C12orf43: variants seen among roughly 807,000 people sequenced by gnomAD.
The protein encoded by C12orf43 is chromosome 12 open reading frame 43, also known as protein CUSTOS.
In C12orf43, 15 loss-of-function variants were observed where a neutral mutation model predicts 20.6. The ratio of observed to expected loss-of-function variants is 0.73; its 90% CI spans 0.49 to 1.12. The LOEUF is 1.12. C12orf43 is among the 50% of genes most tolerant of loss of function. C12orf43 has a pLI of 0.00. For missense variants in C12orf43, 334 were observed against 344.4 expected, an observed-to-expected ratio of 0.97 and a Z score of 0.24; for synonymous variants, 144 against 130.8, an observed-to-expected ratio of 1.10 and a Z score of -0.69.
At position 121,012,475 on chromosome 12, in the gene C12orf43, G is replaced by A. The variant is rs1311337278; in HGVS notation, c.146-1329C>T. The stretch of plus-strand genomic sequence containing the variant: ...TTTGGCTGCTGTGCAGCGTGAGACT[G>A]TTGGGGCAAAGGCAGGAACACGGAG... On this transcript the variant is annotated intron_variant, in intron 1 of 5. Transcript: ENST00000288757. 8.5e-6 allele frequency: 6 copies of A among 702,476 alleles called. No individual in the cohort carries two copies. The African/African-American group carries it at 8.7e-5, about 10-fold the overall frequency. 43.5% of individuals were successfully genotyped at this position (702,476 alleles called of 1,614,324 possible).
intron 1 of C12orf43, among the ~76,000 whole-genome samples, chr12:121,014,300 C>T (rs947405976): frequency 4.8e-5 from 7 of 145,644 alleles, no homozygotes; most frequent in Non-Finnish European, 9.1e-5. Flanking sequence ...CCATTGCACT[C>T]CAGCCTTGGT....
Position 121,010,855 on chromosome 12 carries a change from G to A in C12orf43, c.260C>T (p.Ala87Val). 6.2e-7 allele frequency: 1 copy of A among 1,612,974 alleles called. No homozygotes were observed. ...QTTPEFRAHVAKKLGALLDSF... is the reference protein window; with the variant it reads ...QTTPEFRAHVVKKLGALLDSF... ...GTCCAGCAGGGCTCCCAGCTTCTTG[G>A]CTACGTGGGCTCGGAATTCAGGGGT... Residue 87 changes from alanine to valine, a missense_variant, in exon 3 of 6, where the codon GCC (alanine) becomes GTC (valine). By Grantham distance (64) the Ala-to-Val change is moderately conservative. Transcript: ENST00000288757.
In C12orf43 at chr12:121,001,471, TAC is replaced by T. The variant is rs1445247463; in HGVS notation, c.*2680_*2681del. 10 of 495,486 alleles carry T rather than the reference TAC, an allele frequency of 2.0e-5. No homozygotes were observed. The highest frequency in any genetic ancestry group is 6.5e-5 in the Admixed American group (2 of 30,608). The allele number at this position is 495,486 out of a possible 1,614,324, so 30.7% of individuals were successfully genotyped here. On this transcript the variant is annotated 3_prime_UTR_variant, in exon 6 of 6. Coordinates refer to ENST00000288757, the MANE Select transcript of C12orf43 (RefSeq NM_022895.3). Reference sequence around the variant, plus strand: ...GAGGGACTGTCGCTGCTTCGTGGGATACAGTCTTCTTACTTGGAACTGAAGGG... The same window carrying T: ...GAGGGACTGTCGCTGCTTCGTGGGATAGTCTTCTTACTTGGAACTGAAGGG...
chr12:121,001,317 G>A lies in C12orf43; in HGVS notation c.*2836C>T, dbSNP rs544828377. 3.1e-5 allele frequency: 37 copies of A among 1,185,054 alleles called. No individual in the cohort carries two copies. Among genetic ancestry groups the A allele is most frequent in the South Asian group, 2.7e-4 (20 of 73,444 alleles). 73.4% of individuals were successfully genotyped at this position (1,185,054 alleles called of 1,614,324 possible). ...GGCCCTTCCTGGACAGCTGTGCCTC[G>A]CTCCCCACTCTGCTCTGATGCATCA... On this transcript the variant is annotated 3_prime_UTR_variant, in exon 6 of 6. Coordinates refer to ENST00000288757, the MANE Select transcript of C12orf43 (RefSeq NM_022895.3).
At chr12:121,010,751 G>A (rs903244295) in intron 3 of C12orf43, 77 bp downstream of exon 3, 20 of 1,197,686 alleles carry the variant, frequency 1.7e-5, no homozygotes, top group Middle Eastern at 4.6e-4. Context: ...CCTGGACACC[G>A]TGAGCTCCCA....
chr12:121,004,043 C>A lies in C12orf43; in HGVS notation c.*110G>T. The A allele has an allele frequency of 7.9e-7, 1 of 1,270,480 alleles. No individual in the cohort carries two copies. Among genetic ancestry groups the A allele is most frequent in the South Asian group, 1.2e-5 (1 of 83,088 alleles). 78.7% of individuals were successfully genotyped at this position (1,270,480 alleles called of 1,614,324 possible). ...CTCATGGGCAGTCTGGGTTTGCCAGCCCAGTCCTTGAACTTGGAGAGGGAG... is the reference window on the plus strand; with the variant it reads ...CTCATGGGCAGTCTGGGTTTGCCAGACCAGTCCTTGAACTTGGAGAGGGAG... On this transcript the variant is annotated 3_prime_UTR_variant, in exon 6 of 6. Transcript: ENST00000288757. The surrounding 1 kb of genome is among the most constrained non-coding windows in gnomAD (Gnocchi z 5.6).
intron 1 of C12orf43, among the ~76,000 whole-genome samples, chr12:121,012,245 C>T (rs931168022): frequency 6.6e-6 from 1 of 152,194 alleles, no homozygotes; most frequent in Non-Finnish European, 1.5e-5. Context: ...CTGGAGCCTG[C>T]TTTGTGTGTT....
rs1456573090 is a variant in C12orf43 at position 121,002,051 on chromosome 12, T to G, written c.*2102A>C. 1.9e-6 allele frequency: 1 copy of G among 536,706 alleles called. No homozygotes were observed. The highest frequency in any genetic ancestry group is 3.6e-6 in the Non-Finnish European group (1 of 276,710). 33.2% of individuals were successfully genotyped at this position (536,706 alleles called of 1,614,324 possible). ...CCAGGTCCTGGTGGGGCAGCTCCTC[T>G]GTCTCGAGCGCCCTGCAGACCCTGC... On this transcript the variant is annotated 3_prime_UTR_variant, in exon 6 of 6. Coordinates refer to ENST00000288757, the MANE Select transcript of C12orf43 (RefSeq NM_022895.3).
rs41279100 is a variant in C12orf43 at position 121,002,707 on chromosome 12, A to G, written c.*1446T>C. The G allele has an allele frequency of 0.052, 16,534 of 320,566 alleles. 621 individuals carry two copies. The highest frequency in any genetic ancestry group is 0.1 in the South Asian group (4,042 of 38,658). The allele number at this position is 320,566 out of a possible 1,614,324, so 19.9% of individuals were successfully genotyped here. Reference sequence around the variant, plus strand: ...CTTAACCTCAAGCTTCTACTTTTTAAAAAAATTTTGTTTTGGAGACAGGGT... The same window carrying G: ...CTTAACCTCAAGCTTCTACTTTTTAGAAAAATTTTGTTTTGGAGACAGGGT... On this transcript the variant is annotated 3_prime_UTR_variant, in exon 6 of 6. Transcript: ENST00000288757.
intron 3 of C12orf43, among the ~76,000 whole-genome samples, chr12:121,007,525 T>C (rs1203043119): frequency 6.6e-6 from 1 of 152,220 alleles, no homozygotes; most frequent in African/African-American, 2.4e-5. Flanking sequence ...ATCAAGCACT[T>C]GTGGCACACG....
In C12orf43 at chr12:121,003,498, C is replaced by T. The variant is rs1877696385; in HGVS notation, c.*655G>A. On this transcript the variant is annotated 3_prime_UTR_variant, in exon 6 of 6. Transcript: ENST00000288757. ...TTCAGCATTGACAGAGAGGCAATAT[C>T]CAAATCACTCTAAGTTTTGTTTTGG... 1 of 152,364 alleles carries T rather than the reference C, an allele frequency of 6.6e-6. No individual in the cohort carries two copies. The highest frequency in any genetic ancestry group is 1.5e-5 in the Non-Finnish European group (1 of 68,212). 9.4% of individuals were successfully genotyped at this position (152,364 alleles called of 1,614,324 possible). A position where few individuals can be genotyped will look rare whatever the true frequency, so the allele number is the denominator to read the frequency against.
At position 121,004,197 on chromosome 12, in the gene C12orf43, G is replaced by T; in HGVS notation, c.745C>A (p.Pro249Thr). ...GTAGCACTCTTTGCTGGTGGGAATG[G>T]AGAGGTCTCGCTGGCCTTCTTTGCC... ...KKAKKASETS[P>T]FPPAKSATAI... is the part of the protein sequence containing the mutation. The change falls in exon 6 of 6, where the codon CCA (proline) becomes ACA (threonine). Residue 249 changes from proline to threonine, a missense_variant. By Grantham distance (38) the Pro-to-Thr change is conservative (BLOSUM62 -1). Transcript: ENST00000288757. The surrounding 1 kb of genome is among the most constrained non-coding windows in gnomAD (Gnocchi z 5.6). The T allele has an allele frequency of 6.2e-7, 1 of 1,614,228 alleles. No homozygotes were observed.
In C12orf43 at chr12:121,002,670, G is replaced by A. The variant is rs921240690; in HGVS notation, c.*1483C>T. The A allele has an allele frequency of 1.4e-4, 49 of 338,086 alleles. No individual in the cohort carries two copies. The highest frequency in any genetic ancestry group is 2.0e-3 in the Middle Eastern group (2 of 992). The allele number at this position is 338,086 out of a possible 1,614,324, so 20.9% of individuals were successfully genotyped here. ...GCTCTGCTGAGACTCTAATGACAAA[G>A]CCAGATTTCATCTTAACCTCAAGCT... is the stretch of plus-strand genomic sequence containing the variant. On this transcript the variant is annotated 3_prime_UTR_variant, in exon 6 of 6. Transcript: ENST00000288757.
intron 3 of C12orf43, 146 bp downstream of exon 3, chr12:121,010,682 A>G: frequency 2.1e-6 from 1 of 473,114 alleles, no homozygotes; most frequent in South Asian, 8.0e-5. Context: ...GACCCACATG[A>G]TAATGTTCTT....
chr12:121,016,372 C>T lies in C12orf43; in HGVS notation c.103G>A (p.Gly35Ser). 2 of 1,613,886 alleles carry T rather than the reference C, an allele frequency of 1.2e-6. No homozygotes were observed. Among genetic ancestry groups the T allele is most frequent in the Non-Finnish European group, 1.7e-6 (2 of 1,180,044 alleles). ...RCREAAMPAW[G>S]LEQRPHVAGK... is the part of the protein sequence containing the mutation. ...GCCACGTGCGGGCGTTGCTCCAAGC[C>T]CCAAGCCGGCATTGCCGCCTCGCGG... is the stretch of plus-strand genomic sequence containing the variant. Residue 35 changes from glycine (G) to serine (S), a missense_variant, in exon 1 of 6, where the codon GGC becomes AGC. Gly to Ser is a moderately conservative substitution (Grantham distance 56). Coordinates refer to ENST00000288757, the MANE Select transcript of C12orf43 (RefSeq NM_022895.3).
chr12:121,002,506 G>A lies in C12orf43; in HGVS notation c.*1647C>T. On this transcript the variant is annotated 3_prime_UTR_variant, in exon 6 of 6. Coordinates refer to ENST00000288757, the MANE Select transcript of C12orf43 (RefSeq NM_022895.3). The stretch of plus-strand genomic sequence containing the variant: ...TTTAGTAAAGTCAAGGAGAAATGCG[G>A]TGGAAACTTCTTGCTTGTCCACAAA... The A allele has an allele frequency of 2.0e-6, 1 of 509,850 alleles. No homozygotes were observed. Among genetic ancestry groups the A allele is most frequent in the Non-Finnish European group, 3.8e-6 (1 of 259,784 alleles). 31.6% of individuals were successfully genotyped at this position (509,850 alleles called of 1,614,324 possible).
Position 121,001,014 on chromosome 12 carries a change from G to A in C12orf43, c.*3139C>T. 2 of 1,609,136 alleles carry A rather than the reference G, an allele frequency of 1.2e-6. No homozygotes were observed. Among genetic ancestry groups the A allele is most frequent in the East Asian group, 4.5e-5 (2 of 44,862 alleles). ...AGTACCCCTAGGGACAGGCAGGTGG[G>A]GTGGGTGTGGGTGCCTGGTGGGTGG... On this transcript the variant is annotated 3_prime_UTR_variant, in exon 6 of 6. Coordinates refer to ENST00000288757, the MANE Select transcript of C12orf43 (RefSeq NM_022895.3).
At chr12:121,015,555 T>G (rs369781482) in intron 1 of C12orf43, among the ~76,000 whole-genome samples, 2 of 152,378 alleles carry the variant, frequency 1.3e-5, no homozygotes, top group South Asian at 4.1e-4. Flanking sequence ...TTGTGATGTA[T>G]GTGCTTCTTA....
At chr12:121,008,643 T>G (rs2257764) in intron 3 of C12orf43, among the ~76,000 whole-genome samples, 1 of 152,070 alleles carries the variant, frequency 6.6e-6, no homozygotes, top group African/African-American at 2.4e-5. Context: ...CCTCCTCTAC[T>G]TTCTCCAATT....
Sources: allele counts gnomAD v4.1 joint callset (sites outside exome capture counted in the v4.1 genomes callset), GRCh38; gene constraint gnomAD v4.1.1; non-coding constraint Gnocchi (gnomAD v3.1); transcripts MANE v1.5; gene names NCBI Gene and HGNC (gene_info 2026-07-23, HGNC 2026-07-21).